Variants in XKR9 observed in about 807,000 individuals in gnomAD.
XKR9 encodes the protein XK-related protein 9.
A neutral mutation model predicts 32.0 loss-of-function variants in XKR9; 32 were observed. That is an observed-to-expected ratio of 1.00 (90% CI 0.76 to 1.34). The LOEUF (loss-of-function observed/expected upper bound fraction) is 1.34. XKR9 is among the 40% of genes most tolerant of loss of function. XKR9 has a pLI of 0.00. For missense variants in XKR9, 546 were observed against 429.7 expected (o/e 1.27, Z -2.39); for synonymous variants, 168 against 143.4 (o/e 1.17, Z -1.22).
At chr8:70,833,664 A>G in the XKR9 span, among the ~76,000 whole-genome samples, 1 of 152,270 alleles carries the variant, frequency 6.6e-6, no homozygotes, top group Admixed American at 6.5e-5. Context: ...CCCACGGCCT[A>G]CCTCAAACCA....
chr8:70,773,796 T>G (rs1245751125), intron 2 of XKR9, among the ~76,000 whole-genome samples: 1 of 152,186 alleles, frequency 6.6e-6, no homozygotes, highest in African/African-American at 2.4e-5. Flanking sequence ...GCCATTTAAC[T>G]TGTTCTTAAG....
chr8:70,693,526 C>T (rs1805151629), intron 3 of XKR9, among the ~76,000 whole-genome samples: 1 of 152,232 alleles, frequency 6.6e-6, no homozygotes, highest in Admixed American at 6.5e-5. Context: ...GGGATGCCCA[C>T]TGCAGCTCTG....
At chr8:70,685,430 G>A (rs1379412180) in intron 3 of XKR9, among the ~76,000 whole-genome samples, 1 of 147,200 alleles carries the variant, frequency 6.8e-6, no homozygotes, top group East Asian at 2.0e-4. Context: ...CACCAGCATG[G>A]CACATGTATA....
the XKR9 span, among the ~76,000 whole-genome samples, chr8:70,890,516 A>G: frequency 1.6e-4 from 24 of 151,890 alleles, no homozygotes; most frequent in Non-Finnish European, 1.5e-4. Context: ...TTTATTATAA[A>G]GGATGTTGAA....
the XKR9 span, among the ~76,000 whole-genome samples, chr8:70,991,664 GT>G: frequency 6.6e-6 from 1 of 152,158 alleles, no homozygotes; most frequent in Non-Finnish European, 1.5e-5. Flanking sequence ...ATTTTGTGGA[GT>G]TCCTCTTAGA....
At chr8:71,055,893 C>A in the XKR9 span, among the ~76,000 whole-genome samples, 2 of 152,112 alleles carry the variant, frequency 1.3e-5, no homozygotes, top group African/African-American at 4.8e-5. Context: ...TGAATAGATC[C>A]TTGCTTAGTT....
intron 2 of XKR9, among the ~76,000 whole-genome samples, chr8:70,745,660 A>G (rs1807048532): frequency 6.6e-6 from 1 of 152,178 alleles, no homozygotes; most frequent in South Asian, 2.1e-4. Flanking sequence ...TTGACTTTTG[A>G]AGGCTATCAG....
chr8:70,832,540 G>A, the XKR9 span, among the ~76,000 whole-genome samples: 2 of 152,272 alleles, frequency 1.3e-5, no homozygotes, highest in African/African-American at 2.4e-5. Flanking sequence ...CTGAAAAGTG[G>A]TTTTGTTGTA....
At chr8:70,868,951 T>A in the XKR9 span, among the ~76,000 whole-genome samples, 1 of 152,202 alleles carries the variant, frequency 6.6e-6, no homozygotes, top group African/African-American at 2.4e-5. Flanking sequence ...GTTCTACACA[T>A]CTCTAGGGCA....
chr8:70,893,212 T>C, the XKR9 span, among the ~76,000 whole-genome samples: 84 of 152,362 alleles, frequency 5.5e-4, no homozygotes, highest in Admixed American at 2.0e-4. Flanking sequence ...GATTCCTATC[T>C]GTTGAATTTT....
At chr8:70,870,372 C>T in the XKR9 span, among the ~76,000 whole-genome samples, 1 of 152,160 alleles carries the variant, frequency 6.6e-6, no homozygotes, top group East Asian at 1.9e-4. Context: ...TGACTACATT[C>T]CAGAGTCTGG....
the XKR9 span, among the ~76,000 whole-genome samples, chr8:70,857,942 A>G: frequency 1.3e-5 from 2 of 152,182 alleles, no homozygotes; most frequent in Non-Finnish European, 2.9e-5. Flanking sequence ...CTCTCAATAA[A>G]TTAGGTATTG....
chr8:70,962,739 G>T, the XKR9 span, among the ~76,000 whole-genome samples: 1 of 152,232 alleles, frequency 6.6e-6, no homozygotes, highest in Admixed American at 6.5e-5. Flanking sequence ...TTTTGGTAAA[G>T]TCACACACAG....
At chr8:70,728,762 T>C (rs1247677385) in intron 4 of XKR9, among the ~76,000 whole-genome samples, 1 of 152,232 alleles carries the variant, frequency 6.6e-6, no homozygotes, top group African/African-American at 2.4e-5. Flanking sequence ...ACTTTAGTCT[T>C]ATTGTAATTG....
At chr8:70,740,593 G>C (rs1407190158), downstream of XKR9, among the ~76,000 whole-genome samples, 1 of 151,754 alleles carries the variant, frequency 6.6e-6, no homozygotes, top group Non-Finnish European at 1.5e-5. Context: ...CCATCTTTGT[G>C]GTTTTATCTA....
chr8:71,035,227 A>G, the XKR9 span, among the ~76,000 whole-genome samples: 1 of 152,232 alleles, frequency 6.6e-6, no homozygotes, highest in Non-Finnish European at 1.5e-5. Context: ...TGAAGAACTA[A>G]TGTATGCTAA....
the XKR9 span, among the ~76,000 whole-genome samples, chr8:70,816,580 A>C: frequency 4.4e-4 from 67 of 152,334 alleles, no homozygotes; most frequent in Middle Eastern, 3.4e-3. Context: ...TGTAGTCACC[A>C]GACAACCAAA....
chr8:70,700,060 G>T (rs962548004), intron 3 of XKR9, among the ~76,000 whole-genome samples: 1 of 151,964 alleles, frequency 6.6e-6, no homozygotes, highest in Non-Finnish European at 1.5e-5. Context: ...TCTCTGTATT[G>T]GTTATTCTAG....
At chr8:70,922,494 A>G in the XKR9 span, among the ~76,000 whole-genome samples, 1,278 of 152,362 alleles carry the variant, frequency 8.4e-3, 25 homozygotes, top group African/African-American at 0.029. Flanking sequence ...AGAAAAGAGA[A>G]TGAAGATATT....
Sources: gnomAD v4.1 joint callset for allele counts (sites outside exome capture counted in the v4.1 genomes callset) on GRCh38, gnomAD v4.1.1 for gene constraint, MANE v1.5 for transcripts, NCBI Gene and HGNC (gene_info 2026-07-23, HGNC 2026-07-21) for gene names.